Variants in RAP1A observed in about 807,000 individuals in gnomAD.
The protein encoded by RAP1A is RAP1A, member of RAS oncogene family.
RAP1A carries 6 observed loss-of-function variants against 26.4 expected under a neutral mutation model. The ratio of observed to expected loss-of-function variants is 0.23; its 90% CI spans 0.12 to 0.45. The LOEUF is 0.45. RAP1A is among the 20% of genes least tolerant of loss of function. RAP1A has a pLI of 0.99. For synonymous variants in RAP1A, 73 were observed against 79.4 expected (o/e 0.92, Z 0.43); for missense variants, 121 against 217.2 (o/e 0.56, Z 2.78).
chr1:111,705,714 A>G (rs1280204636), intron 6 of RAP1A, among the ~76,000 whole-genome samples: 1 of 152,156 alleles, frequency 6.6e-6, no homozygotes, highest in East Asian at 1.9e-4. Flanking sequence ...TTTGCATCCT[A>G]CTGGGGGAAC....
At chr1:111,649,278 A>G in intron 1 of RAP1A, 1 of 469,052 alleles carries the variant, frequency 2.1e-6, no homozygotes, top group Non-Finnish European at 4.2e-6. Context: ...CTCGGTTTCC[A>G]GGCTCTCACT....
chr1:111,712,558 G>T lies in RAP1A; in HGVS notation c.*157G>T, dbSNP rs1662416690. ...AAGAATTTAGATCTTATATTGGTTTGCACAAGTTCCCTGGAGAAAAAAATT... is the reference window on the plus strand; with the variant it reads ...AAGAATTTAGATCTTATATTGGTTTTCACAAGTTCCCTGGAGAAAAAAATT... On this transcript the variant is annotated 3_prime_UTR_variant, in exon 8 of 8. Transcript: ENST00000369709. 6.6e-6 allele frequency: 1 copy of T among 152,438 alleles called. No homozygotes were observed. The allele number at this position is 152,438 out of a possible 1,614,324, so 9.4% of individuals were successfully genotyped here. A position where few individuals can be genotyped will look rare whatever the true frequency, so the allele number is the denominator to read the frequency against.
chr1:111,544,080 G>T (rs1196885586), intron 1 of RAP1A, among the ~76,000 whole-genome samples: 1 of 152,186 alleles, frequency 6.6e-6, no homozygotes, highest in Non-Finnish European at 1.5e-5. Context: ...CATGTTTAAA[G>T]TCAAATTTGC....
At chr1:111,556,863 C>A (rs1320158338) in intron 1 of RAP1A, among the ~76,000 whole-genome samples, 1 of 151,796 alleles carries the variant, frequency 6.6e-6, no homozygotes, top group East Asian at 1.9e-4. Context: ...TGTCACTGAA[C>A]TGTACACTTA....
In RAP1A at chr1:111,648,712, C is replaced by G; in HGVS notation, c.-28+28778C>G. 3 of 578,932 alleles carry G rather than the reference C, an allele frequency of 5.2e-6. 1 individual carries two copies. The highest frequency in any genetic ancestry group is 4.6e-5 in the South Asian group (3 of 64,712). 35.9% of individuals were successfully genotyped at this position (578,932 alleles called of 1,614,324 possible). On this transcript the variant is annotated intron_variant, in intron 1 of 7. Transcript: ENST00000369709. ...AGCTCTGTGAGCGTCATCTTAGCCTCTCCAGCCTCAGCAGACTGCGTGGTG... is the reference window on the plus strand; with the variant it reads ...AGCTCTGTGAGCGTCATCTTAGCCTGTCCAGCCTCAGCAGACTGCGTGGTG...
At chr1:111,642,511 A>G (rs1275324581) in intron 1 of RAP1A, among the ~76,000 whole-genome samples, 3 of 144,650 alleles carry the variant, frequency 2.1e-5, no homozygotes, top group Non-Finnish European at 4.5e-5. Flanking sequence ...TTTTTTTGAG[A>G]CGGTGTCTCA....
chr1:111,607,826 C>T lies in RAP1A; in HGVS notation c.-28+65317C>T, dbSNP rs1364299305. On this transcript the variant is annotated intron_variant, in intron 1 of 7. Coordinates refer to the RAP1A transcript ENST00000356415. ...GCTGGCCGGGCGGGGGGCTGACCCC[C>T]CCACCTCCCTCCCGGACGGGGCGGC... 9.3e-5 allele frequency among the ~76,000 whole-genome samples: 11 copies of T among 118,270 alleles called. No homozygotes were observed. In the South Asian group the frequency reaches 2.6e-3, roughly 28 times the overall value. The allele number at this position is 118,270 out of a possible 152,430, so 77.6% of individuals were successfully genotyped here.
Position 111,662,565 on chromosome 1 carries a change from CAT to C in RAP1A, c.-27-28767_-27-28766del, listed in dbSNP as rs571370202. 3.8e-3 allele frequency among the ~76,000 whole-genome samples: 575 copies of C among 152,150 alleles called. 7 individuals are homozygous for C. The highest frequency in any genetic ancestry group is 2.6e-3 in the Non-Finnish European group (179 of 68,006). ...GTAGCACTTACGAGGATAGGAAACTCATAACACTCTGGCCATACTAAGAGAGA... is the reference window on the plus strand; with the variant it reads ...GTAGCACTTACGAGGATAGGAAACTCAACACTCTGGCCATACTAAGAGAGA... On this transcript the variant is annotated intron_variant, in intron 1 of 7. Coordinates refer to ENST00000369709, the MANE Select transcript of RAP1A (RefSeq NM_002884.4).
At chr1:111,573,810 T>C (rs969030765) in intron 1 of RAP1A, among the ~76,000 whole-genome samples, 2 of 152,318 alleles carry the variant, frequency 1.3e-5, no homozygotes, top group East Asian at 3.9e-4. Context: ...TAATGGTTTT[T>C]TTTTCTTGTA....
chr1:111,594,861 G>A (rs1016294721), intron 1 of RAP1A, among the ~76,000 whole-genome samples: 6 of 152,038 alleles, frequency 3.9e-5, no homozygotes, highest in African/African-American at 1.5e-4. Context: ...AACAATACAC[G>A]ATTCTTATAA....
At chr1:111,691,209 C>A in intron 1 of RAP1A, 125 bp from the exon 2 acceptor site, 1 of 487,776 alleles carries the variant, frequency 2.1e-6, no homozygotes. Context: ...CATGTAGCTT[C>A]TGTTGTCCCT....
chr1:111,671,175 G>A (rs894764220), intron 1 of RAP1A, among the ~76,000 whole-genome samples: 1 of 152,204 alleles, frequency 6.6e-6, no homozygotes, highest in Non-Finnish European at 1.5e-5. Flanking sequence ...CTGGAGTACA[G>A]TGGTACAGTC....
intron 1 of RAP1A, among the ~76,000 whole-genome samples, chr1:111,671,996 G>C (rs1031225081): frequency 6.6e-6 from 1 of 152,290 alleles, no homozygotes; most frequent in East Asian, 1.9e-4. Context: ...AATTTCTTGA[G>C]ACTTGATTTA....
At chr1:111,568,746 C>A (rs902262888) in intron 1 of RAP1A, among the ~76,000 whole-genome samples, 1 of 152,106 alleles carries the variant, frequency 6.6e-6, no homozygotes, top group Non-Finnish European at 1.5e-5. Context: ...GTATGCCTGC[C>A]TCTCCTGCCT....
chr1:111,709,325 C>G, intron 7 of RAP1A, 61 bp downstream of exon 7: 2 of 1,441,532 alleles, frequency 1.4e-6, no homozygotes, highest in Non-Finnish European at 9.2e-7. Context: ...TTTTTCCAGA[C>G]TTTAGCTACT....
chr1:111,675,427 G>A (rs1018391184), intron 1 of RAP1A, among the ~76,000 whole-genome samples: 3 of 151,998 alleles, frequency 2.0e-5, no homozygotes, highest in Non-Finnish European at 4.4e-5. Context: ...AGCCGAGATC[G>A]CGCCACTGCA....
chr1:111,572,526 C>A (rs1252085276), intron 1 of RAP1A, among the ~76,000 whole-genome samples: 2 of 152,200 alleles, frequency 1.3e-5, no homozygotes, highest in African/African-American at 4.8e-5. Flanking sequence ...TAGGCTGGAC[C>A]AGATTATTTC....
At chr1:111,662,394 C>CAAAAAA (rs60481679) in intron 1 of RAP1A, among the ~76,000 whole-genome samples, 4 of 103,424 alleles carry the variant, frequency 3.9e-5, no homozygotes, top group African/African-American at 7.9e-5. Flanking sequence ...GACTCCATCT[C>CAAAAAA]AAAAAAAAAA....
At chr1:111,608,273 G>A (rs1658848770) in intron 1 of RAP1A, 1 of 144,210 alleles carries the variant, frequency 6.9e-6, no homozygotes, top group Admixed American at 7.4e-5. Context: ...GGGCGGCGGG[G>A]CAGAGGCTCT....
Sources: gnomAD v4.1 joint callset for allele counts (sites outside exome capture counted in the v4.1 genomes callset) on GRCh38, gnomAD v4.1.1 for gene constraint, MANE v1.5 for transcripts, NCBI Gene and HGNC (gene_info 2026-07-23, HGNC 2026-07-21) for gene names.